BNIPL: variants seen among roughly 807,000 people sequenced by gnomAD.
The protein encoded by BNIPL is bcl-2/adenovirus E1B 19 kDa-interacting protein 2-like protein.
In BNIPL, 33 loss-of-function variants were observed where a neutral mutation model predicts 47.0. That is an observed-to-expected ratio of 0.70 (90% CI 0.53 to 0.94). BNIPL has a LOEUF of 0.94. Among genes scored for constraint, BNIPL ranks in the 40% least tolerant of loss-of-function variants. The pLI, the probability that BNIPL is intolerant of heterozygous loss-of-function variation, is 0.00. For missense variants in BNIPL, 404 were observed against 445.2 expected (o/e 0.91, Z 0.83); for synonymous variants, 145 against 162.7 (o/e 0.89, Z 0.83).
At chr1:151,043,838 G>A (rs587718202) in intron 7 of BNIPL, 111 bp downstream of exon 7, 82 of 1,310,918 alleles carry the variant, frequency 6.3e-5, no homozygotes, top group South Asian at 4.8e-4. Flanking sequence ...GTCCTTTTAC[G>A]TTCCTTTCCC....
At chr1:151,043,565 A>G (rs1675906854) in intron 6 of BNIPL, 31 bp from the exon 7 acceptor site, 1 of 1,600,198 alleles carries the variant, frequency 6.2e-7, no homozygotes, top group African/African-American at 1.3e-5. Context: ...AGCCCCTAAC[A>G]CATACCTTCC....
chr1:151,036,633 C>A lies in BNIPL; in HGVS notation c.-93C>A. The A allele has an allele frequency of 8.5e-7, 1 of 1,181,960 alleles. No homozygotes were observed. The highest frequency in any genetic ancestry group is 1.3e-6 in the Non-Finnish European group (1 of 790,558). The allele number at this position is 1,181,960 out of a possible 1,614,324, so 73.2% of individuals were successfully genotyped here. Reference sequence around the variant, plus strand: ...GAGGCAAGAGCTACAACAGCTGAGACAGAAAAGAGGTAAGGAAGTGTTGGG... The same window carrying A: ...GAGGCAAGAGCTACAACAGCTGAGAAAGAAAAGAGGTAAGGAAGTGTTGGG... On this transcript the variant is annotated 5_prime_UTR_variant, in exon 1 of 10. Coordinates refer to ENST00000368931, the MANE Select transcript of BNIPL (RefSeq NM_138278.4).
chr1:151,043,128 G>A lies in BNIPL; in HGVS notation c.606G>A (p.Leu202=), dbSNP rs911594807. The stretch of plus-strand genomic sequence containing the variant: ...TCATTGAGCCCTATAAGAAAGTCCT[G>A]TCTCATGGAGGTAATGGCTAGCATA... The part of the protein sequence containing the change: ...MTVIEPYKKV[L]SHGGYHGDGL... The change falls in exon 5 of 10, where the codon CTG becomes CTA. Residue 202 remains leucine, a synonymous_variant. Coordinates refer to ENST00000368931, the MANE Select transcript of BNIPL (RefSeq NM_138278.4). 1 of 1,612,866 alleles carries A rather than the reference G, an allele frequency of 6.2e-7. No homozygotes were observed. Among genetic ancestry groups the A allele is most frequent in the Non-Finnish European group, 8.5e-7 (1 of 1,179,144 alleles).
At chr1:151,046,617 A>G (rs752093837) in intron 9 of BNIPL, 34 bp from the exon 10 acceptor site, 2 of 1,574,820 alleles carry the variant, frequency 1.3e-6, no homozygotes, top group South Asian at 1.1e-5. Flanking sequence ...CTACCCCCTG[A>G]ACCACTTCTC....
intron 2 of BNIPL, among the ~76,000 whole-genome samples, chr1:151,038,046 A>C: frequency 7.0e-6 from 1 of 142,054 alleles, no homozygotes; most frequent in African/African-American, 2.7e-5. Flanking sequence ...GGACACAGGG[A>C]TGGTGAATTA....
intron 7 of BNIPL, among the ~76,000 whole-genome samples, chr1:151,044,614 T>A (rs1179912170): frequency 6.6e-6 from 1 of 152,034 alleles, no homozygotes; most frequent in Non-Finnish European, 1.5e-5. Context: ...CCTAGCTAAT[T>A]TTTGTATTTT....
In BNIPL at chr1:151,043,416, T is replaced by C. The variant is rs753377165; in HGVS notation, c.701T>C (p.Val234Ala). The change falls in exon 6 of 10, where the codon GTC (valine) becomes GCC (alanine). Residue 234 changes from valine (V) to alanine (A), a missense_variant. By Grantham distance (64) the Val-to-Ala change is moderately conservative. Coordinates refer to ENST00000368931, the MANE Select transcript of BNIPL (RefSeq NM_138278.4). ...AGCAGCATCCCCAACTACACCTATGTCATGGAACACTTGTTTAGGTGAGGT... is the reference window on the plus strand; with the variant it reads ...AGCAGCATCCCCAACTACACCTATGCCATGGAACACTTGTTTAGGTGAGGT... ...PRSSIPNYTY[V>A]MEHLFRYMVG... The C allele has an allele frequency of 1.9e-6, 3 of 1,604,860 alleles. No homozygotes were observed. Among genetic ancestry groups the C allele is most frequent in the South Asian group, 2.2e-5 (2 of 90,876 alleles).
intron 2 of BNIPL, chr1:151,038,288 C>T (rs587632978): frequency 1.2e-4 from 68 of 572,318 alleles, no homozygotes; most frequent in South Asian, 6.1e-4. Flanking sequence ...GTGGGAGGAC[C>T]GCTTGAACCC....
chr1:151,044,431 C>A (rs1675935707), intron 7 of BNIPL, among the ~76,000 whole-genome samples: 1 of 152,182 alleles, frequency 6.6e-6, no homozygotes, highest in Non-Finnish European at 1.5e-5. Context: ...CTTTCCACAC[C>A]TCCATTATCT....
rs1427637102 is a variant in BNIPL, at chr1:151,045,892, T to G, written c.938+9T>G. ...CTTCGGCCCTTCATCAGGTACTAGTTCTAGGAACAAGGACTCCTTTCTCCT... is the reference window on the plus strand; with the variant it reads ...CTTCGGCCCTTCATCAGGTACTAGTGCTAGGAACAAGGACTCCTTTCTCCT... On this transcript the variant is annotated intron_variant, in intron 8 of 9. Coordinates refer to ENST00000368931, the MANE Select transcript of BNIPL (RefSeq NM_138278.4). 1.9e-6 allele frequency: 3 copies of G among 1,614,026 alleles called. No homozygotes were observed. In the Admixed American group the frequency reaches 5.0e-5, roughly 27 times the overall value.
intron 6 of BNIPL, 55 bp from the exon 7 acceptor site, chr1:151,043,541 C>T: frequency 1.9e-6 from 3 of 1,569,638 alleles, no homozygotes; most frequent in Non-Finnish European, 1.8e-6. Flanking sequence ...AGTAATGTTC[C>T]TCTCACTCTC....
chr1:151,040,773 C>T (rs1228148327), intron 4 of BNIPL, among the ~76,000 whole-genome samples: 3 of 129,926 alleles, frequency 2.3e-5, no homozygotes, highest in African/African-American at 6.1e-5. Context: ...CCAGCCTGGG[C>T]GACAAGAGCA....
intron 1 of BNIPL, chr1:151,037,231 C>A: frequency 1.4e-6 from 1 of 709,528 alleles, no homozygotes; most frequent in African/African-American, 1.9e-5. Flanking sequence ...ACCGTCTTCC[C>A]GACTTTGCTC....
chr1:151,037,144 C>T (rs1272531023), intron 1 of BNIPL, among the ~76,000 whole-genome samples: 1 of 152,126 alleles, frequency 6.6e-6, no homozygotes, highest in East Asian at 1.9e-4. Flanking sequence ...TACCTTCTTC[C>T]TCCACCCCTC....
At position 151,041,701 on chromosome 1, in the gene BNIPL, C is replaced by T. The variant is rs143441233; in HGVS notation, c.434-1255C>T. 8.2e-3 allele frequency among the ~76,000 whole-genome samples: 1,248 copies of T among 152,242 alleles called. 10 individuals carry two copies. The highest frequency in any genetic ancestry group is 0.026 in the African/African-American group (1,073 of 41,552). On this transcript the variant is annotated intron_variant, in intron 4 of 9. Transcript: ENST00000368931. The stretch of plus-strand genomic sequence containing the variant: ...TCAATACAGGAAATATGGCTGGGCA[C>T]GGTGGCTCATGCCTGTAATCCTAGC...
chr1:151,039,681 T>C (rs1675752721), intron 4 of BNIPL, among the ~76,000 whole-genome samples: 1 of 152,186 alleles, frequency 6.6e-6, no homozygotes, highest in Non-Finnish European at 1.5e-5. Flanking sequence ...GGTCACATCA[T>C]GGAGGCCCTT....
At chr1:151,038,371 C>T in intron 2 of BNIPL, 133 bp from the exon 3 acceptor site, 1 of 715,798 alleles carries the variant, frequency 1.4e-6, no homozygotes, top group Non-Finnish European at 2.4e-6. Flanking sequence ...GAGACCCTGT[C>T]TCAAAAAAAC....
At chr1:151,040,795 CAAAAAAAA>C (rs202172688) in intron 4 of BNIPL, among the ~76,000 whole-genome samples, 1 of 122,070 alleles carries the variant, frequency 8.2e-6, no homozygotes, top group Non-Finnish European at 1.7e-5. Flanking sequence ...AACTCCATCT[CAAAAAAAA>C]AAAAAAAAAA....
At position 151,047,695 on chromosome 1, in the gene BNIPL, C is replaced by A; in HGVS notation, c.*1008C>A. The A allele has an allele frequency of 7.5e-7, 1 of 1,330,974 alleles. No homozygotes were observed. The highest frequency in any genetic ancestry group is 9.8e-7 in the Non-Finnish European group (1 of 1,017,858). The allele number at this position is 1,330,974 out of a possible 1,614,324, so 82.4% of individuals were successfully genotyped here. A position where few individuals can be genotyped will look rare whatever the true frequency, so the allele number is the denominator to read the frequency against. On this transcript the variant is annotated 3_prime_UTR_variant, in exon 10 of 10. Coordinates refer to ENST00000368931, the MANE Select transcript of BNIPL (RefSeq NM_138278.4). The stretch of plus-strand genomic sequence containing the variant: ...GTTCCTTAGGAGCACCCCGCGCGGC[C>A]CGCGCGAGCGCGCCTGCGCGTCGAA...
Sources: allele counts gnomAD v4.1 joint callset (sites outside exome capture counted in the v4.1 genomes callset), GRCh38; gene constraint gnomAD v4.1.1; transcripts MANE v1.5; gene names NCBI Gene and HGNC (gene_info 2026-07-23, HGNC 2026-07-21).